The following ZNF329 variants were observed in gnomAD, a reference collection of about 807,000 sequenced individuals.
ZNF329 encodes the protein zinc finger protein 329.
ZNF329 carries 15 observed loss-of-function variants against 26.6 expected under a neutral mutation model. That is an observed-to-expected ratio of 0.56 (90% CI 0.38 to 0.87). ZNF329 has a LOEUF of 0.87. ZNF329 is among the 40% of genes least tolerant of loss of function. The pLI, the probability that ZNF329 is intolerant of heterozygous loss-of-function variation, is 0.00. For missense variants in ZNF329, 651 were observed against 651.9 expected (o/e 1.00, Z 0.02); for synonymous variants, 239 against 233.5 (o/e 1.02, Z -0.21).
At position 58,128,453 on chromosome 19, in the gene ZNF329, C is replaced by A; in HGVS notation, c.1051G>T (p.Ala351Ser). The A allele has an allele frequency of 6.2e-7, 1 of 1,613,240 alleles. No individual in the cohort carries two copies. Among genetic ancestry groups the A allele is most frequent in the Non-Finnish European group, 8.5e-7 (1 of 1,179,514 alleles). The change falls in exon 4 of 4, where the codon GCT becomes TCT. Residue 351 changes from alanine (A) to serine (S), a missense_variant. By Grantham distance (99) the Ala-to-Ser change is moderately conservative (BLOSUM62 1). Transcript: ENST00000598312. ...KPYECSKCGK[A>S]FRDGSYLTQH... Reference sequence around the variant, plus strand: ...GTGAGGTACGAGCCGTCCCGGAAAGCCTTTCCACATTTGCTACACTCATAG... The same window carrying A: ...GTGAGGTACGAGCCGTCCCGGAAAGACTTTCCACATTTGCTACACTCATAG...
chr19:58,141,888 C>T (rs886216158), intron 3 of ZNF329, among the ~76,000 whole-genome samples: 4 of 147,080 alleles, frequency 2.7e-5, no homozygotes, highest in African/African-American at 1.0e-4. Context: ...AGCGAACCTC[C>T]ATCTCAAAAA....
At chr19:58,145,301 T>G (rs1462832882) in intron 1 of ZNF329, among the ~76,000 whole-genome samples, 1 of 147,222 alleles carries the variant, frequency 6.8e-6, no homozygotes, top group Non-Finnish European at 1.5e-5. Flanking sequence ...CAAAAAAAAT[T>G]TCTTTTTTCT....
chr19:58,140,414 C>CT (rs11436059), intron 3 of ZNF329, among the ~76,000 whole-genome samples: 77,705 of 138,420 alleles, frequency 0.56, 21,761 homozygotes, highest in South Asian at 0.64. Flanking sequence ...AAAACTCTTT[C>CT]TTTTTTTTTT....
chr19:58,141,991 G>A (rs2146106047), intron 3 of ZNF329, among the ~76,000 whole-genome samples: 1 of 152,134 alleles, frequency 6.6e-6, no homozygotes, highest in South Asian at 2.1e-4. Flanking sequence ...AACCTGGGAA[G>A]CAGTTTGCAG....
At chr19:58,135,641 T>C (rs1478083022) in intron 3 of ZNF329, among the ~76,000 whole-genome samples, 2 of 152,146 alleles carry the variant, frequency 1.3e-5, no homozygotes, top group Admixed American at 6.6e-5. Flanking sequence ...GGACAGAATG[T>C]AGTTACCCAA....
chr19:58,146,999 T>G (rs1193707279), intron 1 of ZNF329, among the ~76,000 whole-genome samples: 2 of 151,828 alleles, frequency 1.3e-5, no homozygotes, highest in Non-Finnish European at 1.5e-5. Flanking sequence ...GGAGCATCTC[T>G]GCCTGGCCGC....
intron 3 of ZNF329, among the ~76,000 whole-genome samples, chr19:58,141,565 G>A (rs571751518): frequency 2.0e-5 from 3 of 152,138 alleles, no homozygotes; most frequent in Non-Finnish European, 4.4e-5. Context: ...AAAGTGCTGC[G>A]ATTACAGGCA....
intron 3 of ZNF329, among the ~76,000 whole-genome samples, chr19:58,139,708 C>A (rs1173083641): frequency 6.6e-6 from 1 of 152,136 alleles, no homozygotes; most frequent in Non-Finnish European, 1.5e-5. Flanking sequence ...ACTACATTCA[C>A]CCCATAGGAG....
chr19:58,147,601 G>C (rs2075350854), intron 1 of ZNF329, among the ~76,000 whole-genome samples: 2 of 137,352 alleles, frequency 1.5e-5, no homozygotes, highest in Non-Finnish European at 3.1e-5. Flanking sequence ...AGGTGGGGGG[G>C]TCAGCCCTCC....
intron 3 of ZNF329, among the ~76,000 whole-genome samples, chr19:58,134,210 T>C (rs281065): frequency 1.3e-5 from 2 of 151,916 alleles, no homozygotes; most frequent in East Asian, 1.9e-4. Context: ...TATCCTATAA[T>C]GCACAGGATG....
intron 3 of ZNF329, among the ~76,000 whole-genome samples, chr19:58,135,016 C>T (rs1164152183): frequency 6.6e-6 from 1 of 152,002 alleles, no homozygotes; most frequent in Non-Finnish European, 1.5e-5. Flanking sequence ...AACAGCAAAT[C>T]TAAGGATAGT....
chr19:58,139,664 G>A (rs560309097), intron 3 of ZNF329, among the ~76,000 whole-genome samples: 1 of 152,142 alleles, frequency 6.6e-6, no homozygotes, highest in Non-Finnish European at 1.5e-5. Context: ...ATCACAGTGG[G>A]GATAAGGCAT....
rs374379516 is a variant in ZNF329, at chr19:58,129,018, A to G, written c.486T>C (p.Leu162=). Reference sequence around the variant, plus strand: ...CTCTTTTCATTATTTTCTGATGACCAAGAGAGGTAAAATGATTAAAAGACT... The same window carrying G: ...CTCTTTTCATTATTTTCTGATGACCGAGAGAGGTAAAATGATTAAAAGACT... ...SVKSFNHFTS[L]GHQKIMKRGK... is the part of the protein sequence containing the mutation. The change falls in exon 4 of 4, where the codon CTT becomes CTC. Residue 162 remains leucine, a synonymous_variant. Transcript: ENST00000598312. The G allele has an allele frequency of 4.5e-5, 73 of 1,613,562 alleles. No homozygotes were observed. The highest frequency in any genetic ancestry group is 8.3e-5 in the Admixed American group (5 of 59,996).
intron 1 of ZNF329, among the ~76,000 whole-genome samples, chr19:58,150,392 G>A (rs555924174): frequency 9.9e-5 from 15 of 152,240 alleles, no homozygotes; most frequent in South Asian, 4.1e-4. Flanking sequence ...CCCGGAGACG[G>A]ACCAGGACAC....
At chr19:58,136,250 A>AG (rs1256593928) in intron 3 of ZNF329, among the ~76,000 whole-genome samples, 1 of 151,936 alleles carries the variant, frequency 6.6e-6, no homozygotes, top group African/African-American at 2.4e-5. Context: ...AAGAAAAAAA[A>AG]GAAAAGGAAA....
chr19:58,140,077 C>A (rs1427346824), intron 3 of ZNF329, among the ~76,000 whole-genome samples: 1 of 152,120 alleles, frequency 6.6e-6, no homozygotes, highest in Non-Finnish European at 1.5e-5. Flanking sequence ...GAAATTTAAT[C>A]CCTACTGTGG....
At chr19:58,137,216 C>A (rs550237709) in intron 3 of ZNF329, among the ~76,000 whole-genome samples, 1 of 152,172 alleles carries the variant, frequency 6.6e-6, no homozygotes, top group African/African-American at 2.4e-5. Context: ...TGGGAAAGAA[C>A]TATGGACTAA....
At chr19:58,144,135 A>AGTAGAATATCTTT (rs2075246888) in intron 1 of ZNF329, among the ~76,000 whole-genome samples, 1 of 152,096 alleles carries the variant, frequency 6.6e-6, no homozygotes, top group African/African-American at 2.4e-5. Flanking sequence ...TTGAGTTATC[A>AGTAGAATATCTTT]GAGTAGAAAA....
At chr19:58,140,719 T>C (rs531749866) in intron 3 of ZNF329, among the ~76,000 whole-genome samples, 10 of 152,006 alleles carry the variant, frequency 6.6e-5, no homozygotes, top group Admixed American at 2.0e-4. Flanking sequence ...CAGCCCTTTT[T>C]TTCTTTCTTA....
Sources: allele counts gnomAD v4.1 joint callset (sites outside exome capture counted in the v4.1 genomes callset), GRCh38; gene constraint gnomAD v4.1.1; transcripts MANE v1.5; gene names NCBI Gene and HGNC (gene_info 2026-07-23, HGNC 2026-07-21).